RASL10A: variants seen among roughly 807,000 people sequenced by gnomAD.
The protein encoded by RASL10A is ras-like protein family member 10A.
Under a neutral mutation model 17.3 loss-of-function variants are expected in RASL10A, and 13 were observed. That is an observed-to-expected ratio of 0.75 (90% CI 0.49 to 1.20). The LOEUF is 1.20. Ranked by LOEUF, RASL10A falls within the 50% of genes most tolerant of loss-of-function variation. RASL10A has a pLI of 0.00. For synonymous variants in RASL10A, 159 were observed against 142.2 expected (o/e 1.12, Z -0.84); for missense variants, 307 against 310.3 (o/e 0.99, Z 0.08).
At chr22:29,316,035 C>A (rs1442388908), upstream of RASL10A, among the ~76,000 whole-genome samples, 1 of 152,230 alleles carries the variant, frequency 6.6e-6, no homozygotes, top group African/African-American at 2.4e-5. Context: ...GCTGTGTGAC[C>A]TTGGGCGAAT....
chr22:29,315,627 G>T lies in RASL10A; in HGVS notation c.-381C>A, dbSNP rs927665491. ...CGGCGCGGGTCCCGCAGCGGTGCGG[G>T]GCGCGGGGGGCAGCGCTGCCTCCCG... On this transcript the variant is annotated 5_prime_UTR_variant, in exon 1 of 3. Coordinates refer to ENST00000216101, the MANE Select transcript of RASL10A (RefSeq NM_006477.5). The surrounding 1 kb of genome is among the most constrained non-coding windows in gnomAD (Gnocchi z 5.5). 1.7e-4 allele frequency: 27 copies of T among 154,338 alleles called. No individual in the cohort carries two copies. The highest frequency in any genetic ancestry group is 5.5e-4 in the African/African-American group (23 of 41,650). The allele number at this position is 154,338 out of a possible 1,614,324, so 9.6% of individuals were successfully genotyped here. A position where few individuals can be genotyped will look rare whatever the true frequency, so the allele number is the denominator to read the frequency against.
At position 29,315,201 on chromosome 22, in the gene RASL10A, C is replaced by A; in HGVS notation, c.46G>T (p.Gly16Cys). Residue 16 changes from glycine to cysteine, a missense_variant, in exon 1 of 3, where the codon GGC becomes TGC. Gly to Cys is a radical substitution (Grantham distance 159). Coordinates refer to ENST00000216101, the MANE Select transcript of RASL10A (RefSeq NM_006477.5). The surrounding 1 kb of genome is among the most constrained non-coding windows in gnomAD (Gnocchi z 5.5). The part of the protein sequence containing the change: ...RVAVLGAPGV[G>C]KTAIIRQFLF... The stretch of plus-strand genomic sequence containing the variant: ...AACTGGCGGATGATGGCCGTCTTGC[C>A]CACGCCCGGGGCGCCTAGAACGGCC... 1 of 1,533,382 alleles carries A rather than the reference C, an allele frequency of 6.5e-7. No homozygotes were observed. The highest frequency in any genetic ancestry group is 8.7e-7 in the Non-Finnish European group (1 of 1,147,840). The allele number at this position is 1,533,382 out of a possible 1,614,324, so 95.0% of individuals were successfully genotyped here. A position where few individuals can be genotyped will look rare whatever the true frequency, so the allele number is the denominator to read the frequency against.
upstream of RASL10A, among the ~76,000 whole-genome samples, chr22:29,318,904 G>T (rs2061464801): frequency 6.6e-6 from 1 of 152,206 alleles, no homozygotes; most frequent in Admixed American, 6.5e-5. Context: ...CATGCAGCTA[G>T]GCAGGGACGG....
At chr22:29,313,748 G>A (rs1199694265) in intron 2 of RASL10A, 115 bp downstream of exon 2, 4 of 1,499,552 alleles carry the variant, frequency 2.7e-6, no homozygotes, top group South Asian at 1.3e-5. Flanking sequence ...ACCTTCCCAC[G>A]GGCGAAGGCC....
chr22:29,318,081 G>A (rs987671285), upstream of RASL10A, among the ~76,000 whole-genome samples: 25 of 152,114 alleles, frequency 1.6e-4, no homozygotes, highest in African/African-American at 5.8e-4. Flanking sequence ...TTCTCCTTCC[G>A]ACACTGCAAA....
Position 29,313,433 on chromosome 22 carries a change from G to A in RASL10A, c.480C>T (p.Ser160=), listed in dbSNP as rs1217922322. Residue 160 remains serine, a synonymous_variant, in exon 3 of 3, where the codon TCC becomes TCT. Transcript: ENST00000216101. The stretch of plus-strand genomic sequence containing the variant: ...GCAGCACGTGCCAGTTGTACTTGGC[G>A]GAGCACTCGAGGTAGCCGCAGCGCC... ...RGWRCGYLEC[S]AKYNWHVLRL... 3 of 1,541,210 alleles carry A rather than the reference G, an allele frequency of 1.9e-6. No individual in the cohort carries two copies. The highest frequency in any genetic ancestry group is 2.4e-5 in the East Asian group (1 of 40,920).
rs2061449995 is a variant in RASL10A at position 29,315,670 on chromosome 22, T to G, written c.-424A>C. On this transcript the variant is annotated 5_prime_UTR_variant, in exon 1 of 3. Transcript: ENST00000216101. The surrounding 1 kb of genome is among the most constrained non-coding windows in gnomAD (Gnocchi z 5.5). ...GCCTCCCGGAGCCTCTGTGCCTCTATCCTTCTCTCGCTTCCGCGCCTGGAG... is the reference window on the plus strand; with the variant it reads ...GCCTCCCGGAGCCTCTGTGCCTCTAGCCTTCTCTCGCTTCCGCGCCTGGAG... The G allele has an allele frequency of 6.6e-6, 1 of 152,118 alleles. No individual in the cohort carries two copies. Among genetic ancestry groups the G allele is most frequent in the Non-Finnish European group, 1.5e-5 (1 of 68,052 alleles). The allele number at this position is 152,118 out of a possible 1,614,324, so 9.4% of individuals were successfully genotyped here.
At position 29,313,171 on chromosome 22, in the gene RASL10A, G is replaced by C. The variant is rs957650747; in HGVS notation, c.*130C>G. 2 of 1,249,118 alleles carry C rather than the reference G, an allele frequency of 1.6e-6. No individual in the cohort carries two copies. Among genetic ancestry groups the C allele is most frequent in the African/African-American group, 3.2e-5 (2 of 63,264 alleles). 77.4% of individuals were successfully genotyped at this position (1,249,118 alleles called of 1,614,324 possible). A position where few individuals can be genotyped will look rare whatever the true frequency, so the allele number is the denominator to read the frequency against. On this transcript the variant is annotated 3_prime_UTR_variant, in exon 3 of 3. Coordinates refer to ENST00000216101, the MANE Select transcript of RASL10A (RefSeq NM_006477.5). ...CAGTCGCTTAGGAGACTGGGTTGGA[G>C]CTTTCCTCATCCAATCAGGGCGGAG...
intron 2 of RASL10A, 84 bp from the exon 3 acceptor site, chr22:29,313,652 C>T: frequency 7.0e-7 from 1 of 1,438,708 alleles, no homozygotes; most frequent in Non-Finnish European, 9.1e-7. Context: ...AGGCGCATTC[C>T]CTTCCTACGG....
At position 29,313,842 on chromosome 22, in the gene RASL10A, C is replaced by T. The variant is rs376002209; in HGVS notation, c.344+21G>A. The T allele has an allele frequency of 2.3e-5, 37 of 1,612,000 alleles. No homozygotes were observed. The African/African-American group carries it at 4.1e-4, about 18-fold the overall frequency. ...CCAGACCTGTCCTAGCTCCCCACCGCCAGAACTGCCGGGCCCCTACCTGGT... is the reference window on the plus strand; with the variant it reads ...CCAGACCTGTCCTAGCTCCCCACCGTCAGAACTGCCGGGCCCCTACCTGGT... On this transcript the variant is annotated intron_variant, in intron 2 of 2. Coordinates refer to ENST00000216101, the MANE Select transcript of RASL10A (RefSeq NM_006477.5).
Position 29,313,937 on chromosome 22 carries a change from C to T in RASL10A, c.270G>A (p.Val90=), listed in dbSNP as rs778485773. 5.6e-6 allele frequency: 9 copies of T among 1,613,948 alleles called. No individual in the cohort carries two copies. Among genetic ancestry groups the T allele is most frequent in the Middle Eastern group, 1.6e-4 (1 of 6,062 alleles). ...CCGGGCTGCAGATGTCGTAGACGAG[C>T]ACGAAGGCGTCCGTGTCCTGCAAGC... ...DWSLQDTDAF[V]LVYDICSPDS... The change falls in exon 2 of 3, where the codon GTG becomes GTA. Residue 90 remains valine (V), a synonymous_variant. Transcript: ENST00000216101.
upstream of RASL10A, chr22:29,317,308 CT>C (rs781104701): frequency 3.3e-5 from 5 of 152,224 alleles, no homozygotes; most frequent in African/African-American, 4.8e-5. Flanking sequence ...GTGATCTTAG[CT>C]CACTGCATCC....
chr22:29,318,282 C>A (rs554204193), upstream of RASL10A, among the ~76,000 whole-genome samples: 95 of 152,352 alleles, frequency 6.2e-4, no homozygotes, highest in South Asian at 3.5e-3. Context: ...ATGTGCCAAG[C>A]CTGACCCACA....
At position 29,313,993 on chromosome 22, in the gene RASL10A, GA is replaced by G; in HGVS notation, c.220-7del. The G allele has an allele frequency of 6.2e-7, 1 of 1,612,868 alleles. No individual in the cohort carries two copies. The highest frequency in any genetic ancestry group is 8.5e-7 in the Non-Finnish European group (1 of 1,180,006). On this transcript the variant is annotated splice_polypyrimidine_tract_variant and splice_region_variant and intron_variant, in intron 1 of 2. Transcript: ENST00000216101. ...TCCTTAGCGTCTGGCCACTCCTGGG[GA>G]CAGGAGGCCAGGGTTTGCGGAAGCC...
upstream of RASL10A, chr22:29,316,686 T>TGGCAATGCTCAAGAAATGGC (rs758063234): frequency 7.2e-5 from 11 of 152,396 alleles, no homozygotes; most frequent in Non-Finnish European, 1.3e-4. Context: ...GACCTGCACA[T>TGGCAATGCTCAAGAAATGGC]GGCAATGCTC....
At position 29,315,306 on chromosome 22, in the gene RASL10A, G is replaced by C; in HGVS notation, c.-60C>G. 1 of 1,163,264 alleles carries C rather than the reference G, an allele frequency of 8.6e-7. No homozygotes were observed. The highest frequency in any genetic ancestry group is 1.1e-6 in the Non-Finnish European group (1 of 922,510). 72.1% of individuals were successfully genotyped at this position (1,163,264 alleles called of 1,614,324 possible). Reference sequence around the variant, plus strand: ...GCCTCATGGGCCGGCGCCGCACCGTGCGCCCCCAGGCCGTGCGCCCCGCGC... The same window carrying C: ...GCCTCATGGGCCGGCGCCGCACCGTCCGCCCCCAGGCCGTGCGCCCCGCGC... On this transcript the variant is annotated 5_prime_UTR_variant, in exon 1 of 3. Transcript: ENST00000216101. This position sits in a 1 kb window ranked among gnomAD's most constrained non-coding sequence, Gnocchi z 5.5.
At chr22:29,314,482 A>C (rs1004398362) in intron 1 of RASL10A, among the ~76,000 whole-genome samples, 4 of 150,422 alleles carry the variant, frequency 2.7e-5, no homozygotes, top group Non-Finnish European at 4.4e-5. Context: ...CTCAAATGCC[A>C]CTCCCTCCAG....
At chr22:29,313,660 C>G (rs975159429) in intron 2 of RASL10A, 92 bp from the exon 3 acceptor site, 2 of 1,424,390 alleles carry the variant, frequency 1.4e-6, no homozygotes, top group African/African-American at 2.9e-5. Context: ...TCCCTTCCTA[C>G]GGCCAGAGAC....
chr22:29,316,418 T>C (rs1050202260), upstream of RASL10A, among the ~76,000 whole-genome samples: 8 of 151,884 alleles, frequency 5.3e-5, no homozygotes, highest in African/African-American at 1.9e-4. Flanking sequence ...AGGCTGGAGG[T>C]GACTAAATAA....
Sources: gnomAD v4.1 joint callset for allele counts (sites outside exome capture counted in the v4.1 genomes callset) on GRCh38, gnomAD v4.1.1 for gene constraint, Gnocchi (gnomAD v3.1) non-coding constraint, MANE v1.5 for transcripts, NCBI Gene and HGNC (gene_info 2026-07-23, HGNC 2026-07-21) for gene names.